The following NXPE2 variants were observed in gnomAD, a reference collection of about 807,000 sequenced individuals.
The protein encoded by NXPE2 is neurexophilin and PC-esterase domain family member 2.
Under a neutral mutation model 34.4 loss-of-function variants are expected in NXPE2, and 34 were observed. The ratio of observed to expected loss-of-function variants is 0.99; its 90% confidence interval spans 0.75 to 1.31. NXPE2 has a LOEUF of 1.31. Among genes scored for constraint, NXPE2 ranks in the 40% most tolerant of loss-of-function variants. NXPE2 has a pLI of 0.00. For synonymous variants in NXPE2, 235 were observed against 231.3 expected (o/e 1.02, Z -0.15); for missense variants, 649 against 672.5 (o/e 0.97, Z 0.39).
chr11:114,707,591 T>C (rs1951499306), downstream of NXPE2: 1 of 188,480 alleles, frequency 5.3e-6, no homozygotes, highest in Non-Finnish European at 1.2e-5. Flanking sequence ...AATTCAGTGA[T>C]ATTAAGTAAT....
At chr11:114,733,800 A>C in the NXPE2 span, among the ~76,000 whole-genome samples, 1 of 152,126 alleles carries the variant, frequency 6.6e-6, no homozygotes, top group South Asian at 2.1e-4. Context: ...CTACATCCTT[A>C]CCTTTAACTT....
chr11:114,586,354 G>A, the NXPE2 span, among the ~76,000 whole-genome samples: 2 of 152,144 alleles, frequency 1.3e-5, no homozygotes, highest in Non-Finnish European at 1.5e-5. Flanking sequence ...GAGCCCACCT[G>A]GGATCCGAGG....
At chr11:114,734,253 T>C in the NXPE2 span, among the ~76,000 whole-genome samples, 2 of 152,198 alleles carry the variant, frequency 1.3e-5, no homozygotes, top group Non-Finnish European at 2.9e-5. Flanking sequence ...AAAAAATCCA[T>C]TCCTTTTATT....
chr11:114,571,194 T>A, the NXPE2 span: 1 of 1,614,062 alleles, frequency 6.2e-7, no homozygotes, highest in South Asian at 1.1e-5. Context: ...CAGAAGAAGA[T>A]GCTGAATGGC....
chr11:114,590,720 C>T, the NXPE2 span, among the ~76,000 whole-genome samples: 1 of 152,152 alleles, frequency 6.6e-6, no homozygotes, highest in Admixed American at 6.5e-5. Context: ...GAGTAAGAAA[C>T]TTGATTTGCA....
chr11:114,717,980 C>T, the NXPE2 span, among the ~76,000 whole-genome samples: 3 of 152,100 alleles, frequency 2.0e-5, no homozygotes, highest in Non-Finnish European at 4.4e-5. Flanking sequence ...GGAGAATGTC[C>T]GTTTGATTCC....
chr11:114,572,612 A>G, the NXPE2 span, among the ~76,000 whole-genome samples: 1 of 152,194 alleles, frequency 6.6e-6, no homozygotes, highest in African/African-American at 2.4e-5. Context: ...AGCAGAAAAA[A>G]GAACCTCAGA....
chr11:114,683,899 A>T (rs1381468593), intron 2 of NXPE2, among the ~76,000 whole-genome samples: 1 of 148,434 alleles, frequency 6.7e-6, no homozygotes, highest in Non-Finnish European at 1.5e-5. Context: ...ATAGTGATTG[A>T]CTGTGGGAGG....
Position 114,698,422 on chromosome 11 carries a change from C to G in NXPE2, c.510C>G (p.Phe170Leu), listed in dbSNP as rs780256208. The change falls in exon 3 of 6, where the codon TTC becomes TTG. Residue 170 changes from phenylalanine (F) to leucine (L), a missense_variant. By Grantham distance (22) the Phe-to-Leu change is conservative. Coordinates refer to ENST00000389586, the MANE Select transcript of NXPE2 (RefSeq NM_182495.6). Reference sequence around the variant, plus strand: ...GTGCTTCAGGAAAGGTGACTGACTTCAACAACGGCACCTACCTGGTCAGCT... The same window carrying G: ...GTGCTTCAGGAAAGGTGACTGACTTGAACAACGGCACCTACCTGGTCAGCT... Reference protein sequence around the residue: ...MAGASGKVTDFNNGTYLVSFT... With the variant: ...MAGASGKVTDLNNGTYLVSFT... 1.9e-6 allele frequency: 3 copies of G among 1,613,802 alleles called. No individual in the cohort carries two copies. Among genetic ancestry groups the G allele is most frequent in the African/African-American group, 2.7e-5 (2 of 74,920 alleles).
chr11:114,558,876 A>T, the NXPE2 span, among the ~76,000 whole-genome samples: 1 of 152,188 alleles, frequency 6.6e-6, no homozygotes, highest in Admixed American at 6.5e-5. Context: ...TCACATACAA[A>T]GTTTGTTTTC....
the NXPE2 span, among the ~76,000 whole-genome samples, chr11:114,733,065 T>C: frequency 6.6e-6 from 1 of 152,216 alleles, no homozygotes; most frequent in African/African-American, 2.4e-5. Flanking sequence ...TGTCTTTTTT[T>C]GTAATGAATT....
At chr11:114,534,175 G>C in the NXPE2 span, among the ~76,000 whole-genome samples, 1 of 152,200 alleles carries the variant, frequency 6.6e-6, no homozygotes, top group Non-Finnish European at 1.5e-5. Flanking sequence ...AGGCAAACAA[G>C]GTCTGGAGTG....
the NXPE2 span, among the ~76,000 whole-genome samples, chr11:114,670,286 CTG>C: frequency 3.3e-5 from 5 of 152,056 alleles, no homozygotes; most frequent in African/African-American, 7.2e-5. Context: ...GATAAAATCA[CTG>C]TTATCCCAAG....
chr11:114,810,649 C>T, the NXPE2 span, among the ~76,000 whole-genome samples: 1 of 151,946 alleles, frequency 6.6e-6, no homozygotes, highest in South Asian at 2.1e-4. Flanking sequence ...TACCATCTCA[C>T]ACCAGTTAGA....
the NXPE2 span, among the ~76,000 whole-genome samples, chr11:114,572,006 C>T: frequency 6.3e-3 from 956 of 152,298 alleles, 7 homozygotes; most frequent in Admixed American, 0.011. Context: ...ACTTCACTCC[C>T]CTGCTAACTC....
chr11:114,513,808 C>T, the NXPE2 span, among the ~76,000 whole-genome samples: 91,668 of 152,074 alleles, frequency 0.6, 29,484 homozygotes, highest in African/African-American at 0.85. Flanking sequence ...TGAGTCTTAA[C>T]AGAATGAAAG....
the NXPE2 span, among the ~76,000 whole-genome samples, chr11:114,626,878 G>A: frequency 1.3e-5 from 2 of 152,238 alleles, no homozygotes; most frequent in East Asian, 3.9e-4. Context: ...GAATGCAGAA[G>A]CCTCAGGAGC....
chr11:114,671,825 C>T, the NXPE2 span, among the ~76,000 whole-genome samples: 2 of 151,986 alleles, frequency 1.3e-5, no homozygotes, highest in African/African-American at 2.4e-5. Flanking sequence ...CAAGTGACCA[C>T]GGACAGTAAT....
At chr11:114,629,187 T>G in the NXPE2 span, among the ~76,000 whole-genome samples, 9 of 152,028 alleles carry the variant, frequency 5.9e-5, no homozygotes, top group Middle Eastern at 3.4e-3. Flanking sequence ...CCAGCATCAT[T>G]CTGATACCAA....
Sources: gnomAD v4.1 joint callset for allele counts (sites outside exome capture counted in the v4.1 genomes callset) on GRCh38, gnomAD v4.1.1 for gene constraint, MANE v1.5 for transcripts, NCBI Gene and HGNC (gene_info 2026-07-23, HGNC 2026-07-21) for gene names.